Variants in MSRA observed in about 807,000 individuals in gnomAD.
MSRA encodes methionine sulfoxide reductase A, also known as mitochondrial peptide methionine sulfoxide reductase.
Under a neutral mutation model 31.3 loss-of-function variants are expected in MSRA, and 54 were observed. The observed-to-expected ratio is 1.73, with a 90% CI of 1.39 to 2.17. MSRA has a LOEUF of 2.17. MSRA is among the 30% of genes most tolerant of loss of function. The pLI is 0.00. For missense variants in MSRA, 507 were observed against 300.9 expected (o/e 1.69, Z -5.07); for synonymous variants, 169 against 116.5 (o/e 1.45, Z -2.90).
intron 5 of MSRA, among the ~76,000 whole-genome samples, chr8:10,384,559 C>G (rs532548322): frequency 6.6e-6 from 1 of 152,190 alleles, no homozygotes; most frequent in Non-Finnish European, 1.5e-5. Flanking sequence ...AACTCTTTCA[C>G]CCACATTCTG....
intron 1 of MSRA, among the ~76,000 whole-genome samples, chr8:10,122,119 G>A (rs151230013): frequency 2.0e-5 from 3 of 152,238 alleles, no homozygotes; most frequent in African/African-American, 7.2e-5. Context: ...AGCTGGAAGG[G>A]TCTGCAGAGC....
chr8:10,170,711 G>A (rs1407717571), intron 1 of MSRA, among the ~76,000 whole-genome samples: 2 of 152,110 alleles, frequency 1.3e-5, no homozygotes, highest in African/African-American at 4.8e-5. Flanking sequence ...TTTATGTCAG[G>A]GACTTGGGCA....
intron 5 of MSRA, among the ~76,000 whole-genome samples, chr8:10,368,372 T>C (rs573048821): frequency 1.3e-5 from 2 of 152,314 alleles, no homozygotes; most frequent in Admixed American, 1.3e-4. Context: ...TAAGATGGAG[T>C]GCAGCACTAT....
intron 2 of MSRA, among the ~76,000 whole-genome samples, chr8:10,215,408 C>T (rs902131155): frequency 1.3e-5 from 2 of 152,152 alleles, no homozygotes; most frequent in Admixed American, 6.5e-5. Context: ...ATGCATTGGC[C>T]CCTTGGCATG....
At chr8:10,099,088 CGTGT>C (rs775546640) in intron 1 of MSRA, among the ~76,000 whole-genome samples, 2 of 151,194 alleles carry the variant, frequency 1.3e-5, no homozygotes, top group Non-Finnish European at 2.9e-5. Flanking sequence ...TCTAGTGGTT[CGTGT>C]GTGTGTATGT....
chr8:10,248,462 A>G (rs796170476), intron 3 of MSRA, among the ~76,000 whole-genome samples: 20 of 152,216 alleles, frequency 1.3e-4, no homozygotes, highest in African/African-American at 4.3e-4. Flanking sequence ...CACAAGCATT[A>G]TCTCAGCACA....
chr8:10,098,917 C>T lies in MSRA; in HGVS notation c.142+44259C>T, dbSNP rs1799354988. On this transcript the variant is annotated intron_variant, in intron 1 of 5. Coordinates refer to ENST00000317173, the MANE Select transcript of MSRA (RefSeq NM_012331.5). Reference sequence around the variant, plus strand: ...TGGCTGCAACGTAAACAACAGTGGCCTGTTTATGTGGGATTTTTTTCTTTC... The same window carrying T: ...TGGCTGCAACGTAAACAACAGTGGCTTGTTTATGTGGGATTTTTTTCTTTC... Among the ~76,000 whole-genome samples, 3 of 152,178 alleles carry T rather than the reference C, an allele frequency of 2.0e-5. No individual in the cohort carries two copies. The South Asian group carries it at 6.2e-4, about 32-fold the overall frequency.
intron 4 of MSRA, among the ~76,000 whole-genome samples, chr8:10,316,084 A>G (rs1233113214): frequency 6.6e-6 from 1 of 152,246 alleles, no homozygotes; most frequent in Non-Finnish European, 1.5e-5. Flanking sequence ...GTTAAAAAGC[A>G]ACACTATTTC....
chr8:10,317,790 A>T (rs1229341671), intron 4 of MSRA, among the ~76,000 whole-genome samples: 1 of 152,172 alleles, frequency 6.6e-6, no homozygotes, highest in Admixed American at 6.5e-5. Context: ...GAACTTTGCA[A>T]CACTTGTTGC....
intron 1 of MSRA, among the ~76,000 whole-genome samples, chr8:10,191,638 AAAT>A (rs909904111): frequency 2.6e-5 from 4 of 152,218 alleles, no homozygotes; most frequent in African/African-American, 9.6e-5. Context: ...TTTGTGGAGA[AAAT>A]AAACCACATA....
chr8:10,193,887 A>G (rs1378423436), intron 1 of MSRA, among the ~76,000 whole-genome samples: 1 of 152,222 alleles, frequency 6.6e-6, no homozygotes, highest in African/African-American at 2.4e-5. Context: ...TTTAAAAAAA[A>G]TCTACCCACT....
intron 5 of MSRA, among the ~76,000 whole-genome samples, chr8:10,347,032 C>A (rs749603270): frequency 6.6e-6 from 1 of 152,170 alleles, no homozygotes; most frequent in Admixed American, 6.5e-5. Flanking sequence ...CACACCCCAT[C>A]ATTCTGGCTG....
intron 5 of MSRA, among the ~76,000 whole-genome samples, chr8:10,339,153 C>G (rs1227765494): frequency 1.3e-5 from 2 of 152,202 alleles, no homozygotes; most frequent in Admixed American, 6.5e-5. Flanking sequence ...CTGGTCCCTG[C>G]CTTTCCTAGC....
chr8:10,343,125 C>T (rs962545078), intron 5 of MSRA, among the ~76,000 whole-genome samples: 1 of 151,968 alleles, frequency 6.6e-6, no homozygotes, highest in African/African-American at 2.4e-5. Flanking sequence ...AATATTTTAG[C>T]AGTCACTACT....
rs10665004 is a variant in MSRA at position 10,113,292 on chromosome 8, C to CTTTTTTTTTTTT, written c.142+58645_142+58656dup. ...CATGGCTTTGGTGAAGACAGGTCTT[C>CTTTTTTTTTTTT]TTTTTTTTTTTTTTTTTTTTTTGGA... On this transcript the variant is annotated intron_variant, in intron 1 of 5. Transcript: ENST00000317173. 7.5e-4 allele frequency among the ~76,000 whole-genome samples: 43 copies of CTTTTTTTTTTTT among 57,590 alleles called. 2 individuals carry two copies. Among genetic ancestry groups the CTTTTTTTTTTTT allele is most frequent in the East Asian group, 1.8e-3 (3 of 1,706 alleles). The allele number at this position is 57,590 out of a possible 152,430, so 37.8% of individuals were successfully genotyped here.
At chr8:10,239,751 A>G (rs925890810) in intron 2 of MSRA, among the ~76,000 whole-genome samples, 2 of 152,202 alleles carry the variant, frequency 1.3e-5, no homozygotes, top group Non-Finnish European at 2.9e-5. Flanking sequence ...CAAAAGCTAC[A>G]AAGTCTCCCA....
At chr8:10,287,464 C>T (rs958615646) in intron 3 of MSRA, among the ~76,000 whole-genome samples, 1 of 152,170 alleles carries the variant, frequency 6.6e-6, no homozygotes, top group African/African-American at 2.4e-5. Context: ...TCATCCCACG[C>T]TTACAGAGTA....
intron 1 of MSRA, among the ~76,000 whole-genome samples, chr8:10,184,398 G>A (rs1472377572): frequency 6.6e-6 from 1 of 151,836 alleles, no homozygotes; most frequent in African/African-American, 2.4e-5. Flanking sequence ...TTCCTGCCTG[G>A]GAACAGTAAA....
chr8:10,069,789 C>G (rs1045664325), intron 1 of MSRA, among the ~76,000 whole-genome samples: 1 of 152,194 alleles, frequency 6.6e-6, no homozygotes, highest in African/African-American at 2.4e-5. Context: ...GGGACACATT[C>G]AAACCAAAGT....
Sources: allele counts gnomAD v4.1 joint callset (sites outside exome capture counted in the v4.1 genomes callset), GRCh38; gene constraint gnomAD v4.1.1; transcripts MANE v1.5; gene names NCBI Gene and HGNC (gene_info 2026-07-23, HGNC 2026-07-21).